DHRSX: variants seen among roughly 807,000 people sequenced by gnomAD.
The protein encoded by DHRSX is dehydrogenase/reductase X-linked, also known as polyprenol dehydrogenase.
Under a neutral mutation model 34.0 loss-of-function variants are expected in DHRSX, and 31 were observed. The ratio of observed to expected loss-of-function variants is 0.91; its 90% CI spans 0.69 to 1.23. DHRSX has a LOEUF of 1.23. Ranked by LOEUF, DHRSX falls within the 50% of genes most tolerant of loss-of-function variation. The probability of loss-of-function intolerance (pLI) is 0.00; values close to 1 mark genes in which losing one functional copy is unlikely to be tolerated. For synonymous variants in DHRSX, 201 were observed against 183.8 expected (o/e 1.09, Z -0.76); for missense variants, 414 against 428.1 (o/e 0.97, Z 0.29).
At chrX:2,371,302 T>C (rs764259040) in intron 3 of DHRSX, among the ~76,000 whole-genome samples, 1 of 149,022 alleles carries the variant, frequency 6.7e-6, no homozygotes, top group East Asian at 2.0e-4. Flanking sequence ...CCTCCTCCAT[T>C]ACCATAGACC....
intron 3 of DHRSX, among the ~76,000 whole-genome samples, chrX:2,381,380 T>G (rs189115526): frequency 2.0e-4 from 30 of 152,218 alleles, no homozygotes; most frequent in Admixed American, 3.9e-4. Flanking sequence ...CACCAGACAC[T>G]GAACGTGGCA....
chrX:2,283,001 G>C (rs2041748027), intron 4 of DHRSX, among the ~76,000 whole-genome samples: 2 of 151,530 alleles, frequency 1.3e-5, no homozygotes, highest in Admixed American at 6.6e-5. Flanking sequence ...ACAGTGAAGA[G>C]GTGGAAAGAG....
intron 1 of DHRSX, among the ~76,000 whole-genome samples, chrX:2,452,946 C>G (rs1370665850): frequency 1.3e-5 from 2 of 152,198 alleles, no homozygotes; most frequent in Non-Finnish European, 2.9e-5. Flanking sequence ...CAGCACTACT[C>G]AGTTTCCAAG....
At chrX:2,450,336 T>A (rs1162147065) in intron 1 of DHRSX, among the ~76,000 whole-genome samples, 1 of 152,018 alleles carries the variant, frequency 6.6e-6, no homozygotes, top group African/African-American at 2.4e-5. Context: ...TATATAAAAT[T>A]TAGTAATCCA....
At position 2,231,485 on chromosome X, in the gene DHRSX, CCT is replaced by C. The variant is rs779545956; in HGVS notation, c.805-10258_805-10257del. 3.7e-4 allele frequency among the ~76,000 whole-genome samples: 55 copies of C among 150,108 alleles called. 1 individual carries two copies. The East Asian group carries it at 0.011, about 29-fold the overall frequency. Reference sequence around the variant, plus strand: ...TCTTCCTCCCCCATCTTATCCTCCTCCTCTTTCATTTCTTCCTTCTCCTTCTC... The same window carrying C: ...TCTTCCTCCCCCATCTTATCCTCCTCCTTTCATTTCTTCCTTCTCCTTCTC... On this transcript the variant is annotated intron_variant, in intron 6 of 6. Coordinates refer to ENST00000334651, the MANE Select transcript of DHRSX (RefSeq NM_145177.3).
chrX:2,311,000 G>T (rs2042157904), intron 3 of DHRSX, among the ~76,000 whole-genome samples: 2 of 150,728 alleles, frequency 1.3e-5, no homozygotes, highest in South Asian at 4.2e-4. Flanking sequence ...GGCGGAGGTT[G>T]TAGTGAGCCG....
intron 3 of DHRSX, among the ~76,000 whole-genome samples, chrX:2,323,734 A>C (rs1452986412): frequency 6.6e-6 from 1 of 152,036 alleles, no homozygotes; most frequent in Non-Finnish European, 1.5e-5. Flanking sequence ...ACACCACTGC[A>C]CTCCAGCCTG....
chrX:2,264,904 C>T (rs1390854526), intron 5 of DHRSX, among the ~76,000 whole-genome samples: 3 of 148,306 alleles, frequency 2.0e-5, no homozygotes, highest in Non-Finnish European at 3.0e-5. Flanking sequence ...GCAGCAAATG[C>T]GGGGGCACTG....
intron 3 of DHRSX, among the ~76,000 whole-genome samples, chrX:2,340,442 C>CTGTG (rs1367358705): frequency 2.7e-5 from 4 of 150,212 alleles, no homozygotes; most frequent in African/African-American, 1.0e-4. Flanking sequence ...GTGTGTGCGT[C>CTGTG]TGTCTGTGTG....
chrX:2,247,655 C>CAAAA (rs752111695), intron 5 of DHRSX, among the ~76,000 whole-genome samples: 7 of 96,884 alleles, frequency 7.2e-5, no homozygotes, highest in Admixed American at 2.2e-4. Context: ...CTCCGTCTCA[C>CAAAA]AAAAAAAAAA....
chrX:2,349,455 G>C (rs1403694715), intron 3 of DHRSX, among the ~76,000 whole-genome samples: 1 of 152,190 alleles, frequency 6.6e-6, no homozygotes, highest in Non-Finnish European at 1.5e-5. Context: ...ACTGAGGCGG[G>C]TGGATCACTT....
At chrX:2,300,671 A>G (rs749035457) in intron 3 of DHRSX, among the ~76,000 whole-genome samples, 1 of 152,296 alleles carries the variant, frequency 6.6e-6, no homozygotes, top group South Asian at 2.1e-4. Context: ...CAAGTTCTTC[A>G]GCTTTAGCAC....
intron 3 of DHRSX, among the ~76,000 whole-genome samples, chrX:2,401,621 C>G (rs1356531438): frequency 2.0e-5 from 3 of 152,144 alleles, no homozygotes; most frequent in African/African-American, 7.2e-5. Flanking sequence ...GAGTGTTTAA[C>G]TGGTTATCTC....
chrX:2,438,028 C>G (rs2044016449), intron 1 of DHRSX, among the ~76,000 whole-genome samples: 1 of 148,370 alleles, frequency 6.7e-6, no homozygotes, highest in Admixed American at 6.7e-5. Context: ...AAACTGAATT[C>G]TGGCCGGGCG....
intron 1 of DHRSX, among the ~76,000 whole-genome samples, chrX:2,466,699 G>T (rs1369383886): frequency 6.6e-6 from 1 of 152,084 alleles, no homozygotes; most frequent in Non-Finnish European, 1.5e-5. Context: ...CTTATTACCT[G>T]CATGATGAAA....
intron 1 of DHRSX, among the ~76,000 whole-genome samples, chrX:2,457,558 A>C (rs1447627480): frequency 1.3e-5 from 2 of 152,106 alleles, no homozygotes; most frequent in African/African-American, 4.8e-5. Context: ...GTAAACACTG[A>C]AGACGTTCCC....
intron 3 of DHRSX, among the ~76,000 whole-genome samples, chrX:2,320,098 G>A (rs986363197): frequency 2.0e-5 from 3 of 151,864 alleles, no homozygotes; most frequent in Non-Finnish European, 4.4e-5. Flanking sequence ...CAAAGTGCTG[G>A]GATGACAGTT....
intron 6 of DHRSX, among the ~76,000 whole-genome samples, chrX:2,238,772 A>C (rs1398104512): frequency 3.3e-5 from 5 of 150,052 alleles, no homozygotes; most frequent in Admixed American, 2.7e-4. Context: ...TTTAATAGAG[A>C]TGGTGTTTCA....
intron 3 of DHRSX, among the ~76,000 whole-genome samples, chrX:2,302,060 C>CTT (rs2042018227): frequency 6.6e-6 from 1 of 152,138 alleles, no homozygotes; most frequent in Admixed American, 6.6e-5. Context: ...GAGGTTGAGA[C>CTT]ACAGTGATTA....
Sources: allele counts gnomAD v4.1 joint callset (sites outside exome capture counted in the v4.1 genomes callset), GRCh38; gene constraint gnomAD v4.1.1; transcripts MANE v1.5; gene names NCBI Gene and HGNC (gene_info 2026-07-23, HGNC 2026-07-21).